Variants in CFAP61 observed in about 807,000 individuals in gnomAD.
The protein encoded by CFAP61 is cilia- and flagella-associated protein 61.
A neutral mutation model predicts 135.6 loss-of-function variants in CFAP61; 107 were observed. The ratio of observed to expected loss-of-function variants is 0.79; its 90% CI spans 0.67 to 0.93. CFAP61 has a LOEUF of 0.93. Ranked by LOEUF, CFAP61 falls within the 40% of genes least tolerant of loss-of-function variation. The pLI is 0.00. For missense variants in CFAP61, 1,507 were observed against 1,556.2 expected, an observed-to-expected ratio of 0.97 and a Z score of 0.53; for synonymous variants, 575 against 578.5, an observed-to-expected ratio of 0.99 and a Z score of 0.09.
chr20:20,288,859 C>T lies in CFAP61; in HGVS notation c.3047C>T (p.Pro1016Leu), dbSNP rs2054790648. The change falls in exon 23 of 27, where the codon CCA becomes CTA. Residue 1016 changes from proline to leucine, a missense_variant. Physicochemically the swap from Pro to Leu is moderately conservative, Grantham distance 98. Coordinates refer to ENST00000245957, the MANE Select transcript of CFAP61 (RefSeq NM_015585.4). ...GCAGCTATGCTACATCTCTTTGATC[C>T]AACCCTTGAGCCTGTGACCGAGCCA... ...LAAAMLHLFD[P>L]TLEPVTEPPA... 3.1e-6 allele frequency: 5 copies of T among 1,614,102 alleles called. No homozygotes were observed. The highest frequency in any genetic ancestry group is 4.2e-6 in the Non-Finnish European group (5 of 1,180,008).
intron 17 of CFAP61, among the ~76,000 whole-genome samples, chr20:20,216,331 T>C (rs1299238875): frequency 1.3e-5 from 2 of 152,158 alleles, no homozygotes; most frequent in African/African-American, 4.8e-5. Flanking sequence ...GGTGAACGGG[T>C]GTTAATTACA....
At chr20:20,284,475 C>T (rs1011880724) in intron 22 of CFAP61, among the ~76,000 whole-genome samples, 12 of 151,958 alleles carry the variant, frequency 7.9e-5, no homozygotes, top group South Asian at 4.2e-4. Flanking sequence ...TTAGTAGAGA[C>T]GGGGTTTCAC....
intron 22 of CFAP61, among the ~76,000 whole-genome samples, chr20:20,279,261 C>A (rs2054000849): frequency 6.6e-6 from 1 of 152,152 alleles, no homozygotes; most frequent in African/African-American, 2.4e-5. Flanking sequence ...AGGGCAGCAA[C>A]CCTCCTCACA....
intron 8 of CFAP61, 82 bp downstream of exon 8, chr20:20,098,896 T>A: frequency 8.1e-7 from 1 of 1,232,316 alleles, no homozygotes; most frequent in Non-Finnish European, 1.1e-6. Context: ...GTGATGGAAC[T>A]AGATAGGATG....
chr20:20,111,082 T>G (rs957118590), intron 8 of CFAP61, among the ~76,000 whole-genome samples: 12 of 152,214 alleles, frequency 7.9e-5, no homozygotes, highest in Non-Finnish European at 1.5e-4. Context: ...ATGAGCAGAT[T>G]ATAGTTTTCC....
At chr20:20,165,139 G>A (rs751703408) in intron 11 of CFAP61, among the ~76,000 whole-genome samples, 2 of 152,190 alleles carry the variant, frequency 1.3e-5, no homozygotes, top group African/African-American at 4.8e-5. Flanking sequence ...TCTCAGAGGA[G>A]TGCCCCATCC....
Position 20,164,124 on chromosome 20 carries a change from G to T in CFAP61, c.1101G>T (p.Ser367=). The T allele has an allele frequency of 2.5e-6, 4 of 1,613,920 alleles. No homozygotes were observed. Among genetic ancestry groups the T allele is most frequent in the Non-Finnish European group, 3.4e-6 (4 of 1,179,920 alleles). Residue 367 remains serine, a synonymous_variant, in exon 11 of 27, where the codon TCG becomes TCT. Coordinates refer to ENST00000245957, the MANE Select transcript of CFAP61 (RefSeq NM_015585.4). ...YHHVSSRSLA[S]LVLPEEPVHF... is the part of the protein sequence containing the mutation. ...ATGTCAGCAGTAGGAGCTTGGCATC[G>T]CTCGTACTGCCTGAAGAGCCCGTCC...
chr20:20,309,201 T>C (rs893012975), intron 25 of CFAP61, among the ~76,000 whole-genome samples: 1 of 152,182 alleles, frequency 6.6e-6, no homozygotes, highest in African/African-American at 2.4e-5. Flanking sequence ...TTTTTGAGGG[T>C]TATTTAAGCA....
At chr20:20,101,230 A>T (rs1235734891) in intron 8 of CFAP61, among the ~76,000 whole-genome samples, 1 of 152,250 alleles carries the variant, frequency 6.6e-6, no homozygotes, top group African/African-American at 2.4e-5. Flanking sequence ...GTCTCAAGTT[A>T]AAGGAAATAT....
intron 26 of CFAP61, among the ~76,000 whole-genome samples, chr20:20,356,278 A>G (rs1254913865): frequency 2.8e-4 from 30 of 109,016 alleles, no homozygotes; most frequent in Non-Finnish European, 3.9e-4. Flanking sequence ...CACACTGTGA[A>G]GGGTGGTAGT....
chr20:20,252,383 G>C (rs1010965688), intron 20 of CFAP61, among the ~76,000 whole-genome samples: 22 of 152,192 alleles, frequency 1.4e-4, no homozygotes, highest in African/African-American at 5.1e-4. Context: ...AGTGTTTCAT[G>C]TAGTTTACAG....
chr20:20,356,550 CTGAGGGGAGGTGGTCATAGTG>C (rs2059182735), intron 26 of CFAP61, among the ~76,000 whole-genome samples: 1 of 73,244 alleles, frequency 1.4e-5, no homozygotes, highest in African/African-American at 4.4e-5. Flanking sequence ...GGTGGTCACA[CTGAGGGGAGGTGGTCATAGTG>C]TGAGGGGAGG....
At chr20:20,180,251 C>A (rs2054953872) in intron 13 of CFAP61, among the ~76,000 whole-genome samples, 2 of 151,948 alleles carry the variant, frequency 1.3e-5, no homozygotes, top group South Asian at 4.2e-4. Context: ...ATGGCGTGAA[C>A]CCGCAAGGTG....
At chr20:20,315,064 G>C (rs1225764404) in intron 25 of CFAP61, among the ~76,000 whole-genome samples, 1 of 136,372 alleles carries the variant, frequency 7.3e-6, no homozygotes, top group Non-Finnish European at 1.6e-5. Context: ...TAATGGGATG[G>C]CTGGGTCAAA....
chr20:20,157,536 T>C (rs557938471), intron 9 of CFAP61, among the ~76,000 whole-genome samples: 1 of 152,358 alleles, frequency 6.6e-6, no homozygotes, highest in Admixed American at 6.5e-5. Flanking sequence ...AATAGTCTTT[T>C]CTCTCTGAAA....
chr20:20,237,346 G>A (rs897359689), intron 18 of CFAP61, among the ~76,000 whole-genome samples: 2 of 152,116 alleles, frequency 1.3e-5, no homozygotes, highest in South Asian at 2.1e-4. Context: ...TCTCCAGGTC[G>A]CATCCTCATT....
chr20:20,131,725 G>A (rs576013566), intron 8 of CFAP61, among the ~76,000 whole-genome samples: 18 of 151,218 alleles, frequency 1.2e-4, no homozygotes, highest in Non-Finnish European at 2.7e-4. Flanking sequence ...TTAACTCATT[G>A]ATTTTTCAGC....
chr20:20,139,377 C>G (rs1260595523), intron 8 of CFAP61, among the ~76,000 whole-genome samples: 8 of 152,218 alleles, frequency 5.3e-5, no homozygotes, highest in Admixed American at 5.2e-4. Flanking sequence ...GATAAGCAGT[C>G]TCACTTAGAG....
At chr20:20,296,401 T>G (rs944983157) in intron 24 of CFAP61, among the ~76,000 whole-genome samples, 11 of 118,062 alleles carry the variant, frequency 9.3e-5, no homozygotes, top group Non-Finnish European at 1.1e-4. Flanking sequence ...CTTCCTGCCT[T>G]CCTTCTTTCT....
Sources: gnomAD v4.1 joint callset for allele counts (sites outside exome capture counted in the v4.1 genomes callset) on GRCh38, gnomAD v4.1.1 for gene constraint, MANE v1.5 for transcripts, NCBI Gene and HGNC (gene_info 2026-07-23, HGNC 2026-07-21) for gene names.